Variants in PPARG observed in about 807,000 individuals in gnomAD.
PPARG encodes the protein peroxisome proliferator-activated receptor gamma.
A neutral mutation model predicts 39.2 loss-of-function variants in PPARG; 17 were observed. The ratio of observed to expected loss-of-function variants is 0.43; its 90% CI spans 0.30 to 0.65. PPARG has a LOEUF of 0.65. Among genes scored for constraint, PPARG ranks in the 30% least tolerant of loss-of-function variants. The pLI, the probability that PPARG is intolerant of heterozygous loss-of-function variation, is 0.13. For synonymous variants in PPARG, 223 were observed against 215.7 expected, an observed-to-expected ratio of 1.03 and a Z score of -0.30; for missense variants, 406 against 585.9, an observed-to-expected ratio of 0.69 and a Z score of 3.17.
intron 4 of PPARG, among the ~76,000 whole-genome samples, chr3:12,390,545 TATAATACC>T (rs139056018): frequency 0.14 from 21,007 of 151,530 alleles, 1,612 homozygotes; most frequent in Admixed American, 0.21. Flanking sequence ...CTACATATAG[TATAATACC>T]ATTTAATAAA....
intron 2 of PPARG, among the ~76,000 whole-genome samples, chr3:12,355,688 A>AC (rs950831172): frequency 6.6e-6 from 1 of 152,136 alleles, no homozygotes; most frequent in African/African-American, 2.4e-5. Context: ...TATAGGAAAC[A>AC]CCCCAAAGAA....
At chr3:12,390,509 C>G (rs998202822) in intron 4 of PPARG, among the ~76,000 whole-genome samples, 2 of 151,570 alleles carry the variant, frequency 1.3e-5, no homozygotes, top group Non-Finnish European at 2.9e-5. Context: ...AAACCTCATA[C>G]CAAATTTTAA....
At chr3:12,414,129 T>C (rs1288947567) in intron 6 of PPARG, among the ~76,000 whole-genome samples, 1 of 152,136 alleles carries the variant, frequency 6.6e-6, no homozygotes, top group Non-Finnish European at 1.5e-5. Context: ...GTGAAAGAAT[T>C]TCATGCATAT....
chr3:12,417,281 A>G, intron 7 of PPARG, 127 bp downstream of exon 7: 1 of 963,398 alleles, frequency 1.0e-6, no homozygotes, highest in East Asian at 2.6e-5. Flanking sequence ...GATGCCATGA[A>G]TCATCACTAC....
chr3:12,295,196 A>G (rs1482856301), intron 1 of PPARG, among the ~76,000 whole-genome samples: 3 of 152,200 alleles, frequency 2.0e-5, no homozygotes, highest in African/African-American at 7.2e-5. Context: ...GTCAGTTGAT[A>G]ATTACCTGTG....
At chr3:12,329,678 T>C (rs1430528344) in intron 2 of PPARG, among the ~76,000 whole-genome samples, 1 of 152,212 alleles carries the variant, frequency 6.6e-6, no homozygotes, top group East Asian at 1.9e-4. Context: ...ATCTTAAGTG[T>C]ACATTGGTAC....
chr3:12,309,957 T>G (rs1056800594), intron 1 of PPARG, among the ~76,000 whole-genome samples: 1 of 152,186 alleles, frequency 6.6e-6, no homozygotes, highest in African/African-American at 2.4e-5. Flanking sequence ...GTGTTTATAA[T>G]CGAATGAATA....
At chr3:12,428,739 C>A (rs996444830) in intron 7 of PPARG, among the ~76,000 whole-genome samples, 1 of 152,148 alleles carries the variant, frequency 6.6e-6, no homozygotes, top group Non-Finnish European at 1.5e-5. Flanking sequence ...CTGGCAGATC[C>A]ATTTTGCCCT....
At position 12,379,760 on chromosome 3, in the gene PPARG, T is replaced by G; in HGVS notation, c.49T>G (p.Ser17Ala). 1 of 1,614,062 alleles carries G rather than the reference T, an allele frequency of 6.2e-7. No homozygotes were observed. The highest frequency in any genetic ancestry group is 2.2e-5 in the East Asian group (1 of 44,854). The change falls in exon 3 of 8, where the codon TCC (serine) becomes GCC (alanine). Residue 17 changes from serine to alanine, a missense_variant. Physicochemically the swap from Ser to Ala is moderately conservative, Grantham distance 99. This residue lies in a region of PPARG where 131 missense variants were observed against 127.9 expected (regional missense o/e 1.02). Coordinates refer to ENST00000651735, the MANE Select transcript of PPARG (RefSeq NM_138711.6). ...CTGGCCCACCAACTTTGGGATCAGC[T>G]CCGTGGATCTCTCCGTAATGGAAGA... The part of the protein sequence containing the change: ...PFWPTNFGIS[S>A]VDLSVMEDHS...
intron 2 of PPARG, among the ~76,000 whole-genome samples, chr3:12,336,044 C>T (rs1373990942): frequency 6.6e-6 from 1 of 151,986 alleles, no homozygotes; most frequent in East Asian, 1.9e-4. Context: ...TAAAAGTGTC[C>T]CAGTTTGGGT....
At chr3:12,363,029 C>T (rs961193906) in intron 2 of PPARG, among the ~76,000 whole-genome samples, 2 of 152,034 alleles carry the variant, frequency 1.3e-5, no homozygotes, top group African/African-American at 4.8e-5. Context: ...AAGTGATCCT[C>T]CCACCTCAGC....
chr3:12,296,510 G>T (rs1293528239), intron 1 of PPARG, among the ~76,000 whole-genome samples: 2 of 152,030 alleles, frequency 1.3e-5, no homozygotes, highest in African/African-American at 4.8e-5. Context: ...AGTGTGCTTT[G>T]GATGATTTCT....
chr3:12,381,968 G>A (rs2049684283), intron 4 of PPARG, among the ~76,000 whole-genome samples: 1 of 151,994 alleles, frequency 6.6e-6, no homozygotes, highest in South Asian at 2.1e-4. Flanking sequence ...ATATTGTATA[G>A]ACAGAAGATT....
chr3:12,313,350 A>G (rs2047303215), intron 2 of PPARG, among the ~76,000 whole-genome samples: 1 of 152,180 alleles, frequency 6.6e-6, no homozygotes, highest in Non-Finnish European at 1.5e-5. Context: ...CCCCAGTAGC[A>G]AACTAGATCG....
At chr3:12,321,915 A>G (rs1348216730) in intron 2 of PPARG, among the ~76,000 whole-genome samples, 1 of 152,254 alleles carries the variant, frequency 6.6e-6, no homozygotes, top group Non-Finnish European at 1.5e-5. Flanking sequence ...TGCAAGTAAT[A>G]AAATTGCAGT....
chr3:12,373,459 T>C (rs1254153479), intron 2 of PPARG, among the ~76,000 whole-genome samples: 2 of 152,176 alleles, frequency 1.3e-5, no homozygotes, highest in South Asian at 2.1e-4. Context: ...AAAAACTGAA[T>C]ATACATCGTT....
In PPARG at chr3:12,434,190, C is replaced by G. The variant is rs757788371; in HGVS notation, c.*45C>G. ...GCCAACATTTCCCTTCTTCCAGTTGCACTATTCTGAGGGAAAATCTGACAC... is the reference window on the plus strand; with the variant it reads ...GCCAACATTTCCCTTCTTCCAGTTGGACTATTCTGAGGGAAAATCTGACAC... On this transcript the variant is annotated 3_prime_UTR_variant, in exon 8 of 8. Transcript: ENST00000651735. The surrounding 1 kb of genome is among the most constrained non-coding windows in gnomAD (Gnocchi z 4.2). 2 of 1,613,090 alleles carry G rather than the reference C, an allele frequency of 1.2e-6. No homozygotes were observed. The highest frequency in any genetic ancestry group is 2.7e-5 in the African/African-American group (2 of 75,020).
intron 3 of PPARG, among the ~76,000 whole-genome samples, chr3:12,380,719 G>T (rs941933701): frequency 6.6e-6 from 1 of 152,100 alleles, no homozygotes; most frequent in African/African-American, 2.4e-5. Flanking sequence ...AAATTTAGTA[G>T]CCCTGAGCCC....
At chr3:12,403,592 G>A (rs1367390898) in intron 5 of PPARG, among the ~76,000 whole-genome samples, 2 of 152,072 alleles carry the variant, frequency 1.3e-5, no homozygotes, top group Non-Finnish European at 2.9e-5. Flanking sequence ...CTGGCCTCAG[G>A]CAATCCTTTC....
Sources: gnomAD v4.1 joint callset for allele counts (sites outside exome capture counted in the v4.1 genomes callset) on GRCh38, gnomAD v4.1.1 for gene constraint, gnomAD v4.1.1 regional missense constraint, Gnocchi (gnomAD v3.1) non-coding constraint, MANE v1.5 for transcripts, NCBI Gene and HGNC (gene_info 2026-07-23, HGNC 2026-07-21) for gene names.